The following DCAF1 variants were observed in gnomAD, a reference collection of about 807,000 sequenced individuals.
DCAF1 encodes DDB1 and CUL4 associated factor 1.
DCAF1 carries 15 observed loss-of-function variants against 128.0 expected under a neutral mutation model. That is an observed-to-expected ratio of 0.12 (90% CI 0.08 to 0.18). The LOEUF (loss-of-function observed/expected upper bound fraction) is 0.18, where lower values mean the gene tolerates loss of function less well. DCAF1 is among the 10% of genes least tolerant of loss of function. The probability of loss-of-function intolerance (pLI) is 1.00; values close to 1 mark genes in which losing one functional copy is unlikely to be tolerated. For missense variants in DCAF1, 988 were observed against 1,649.5 expected, an observed-to-expected ratio of 0.60 and a Z score of 6.95; for synonymous variants, 610 against 603.0, an observed-to-expected ratio of 1.01 and a Z score of -0.17.
chr3:51,504,036 ATT>A (rs559346586), upstream of DCAF1, among the ~76,000 whole-genome samples: 64 of 130,168 alleles, frequency 4.9e-4, no homozygotes, highest in Middle Eastern at 4.0e-3. Flanking sequence ...GCCCCTGAAC[ATT>A]TTTTTTTTTT....
At chr3:51,446,924 C>T (rs1280036273) in intron 6 of DCAF1, among the ~76,000 whole-genome samples, 1 of 146,392 alleles carries the variant, frequency 6.8e-6, no homozygotes, top group Non-Finnish European at 1.5e-5. Context: ...CACGCCACTG[C>T]GCTCCAGCCT....
downstream of DCAF1, chr3:51,396,033 C>T: frequency 4.9e-6 from 2 of 412,162 alleles, no homozygotes; most frequent in Non-Finnish European, 8.9e-6. Flanking sequence ...CTGTTGCAGG[C>T]ACACTGCAGT....
chr3:51,502,556 CA>C (rs1307779979), upstream of DCAF1, among the ~76,000 whole-genome samples: 28 of 151,120 alleles, frequency 1.9e-4, no homozygotes, highest in African/African-American at 5.8e-4. Flanking sequence ...GACTCTGTCT[CA>C]AAAAAAAATT....
intron 21 of DCAF1, 50 bp downstream of exon 21, chr3:51,413,232 G>T: frequency 6.3e-7 from 1 of 1,577,810 alleles, no homozygotes; most frequent in South Asian, 1.2e-5. Flanking sequence ...TCTTAAATAA[G>T]GAACACCAAA....
intron 3 of DCAF1, among the ~76,000 whole-genome samples, chr3:51,475,694 T>C (rs2108289720): frequency 6.6e-6 from 1 of 152,254 alleles, no homozygotes; most frequent in East Asian, 1.9e-4. Flanking sequence ...AGCCCGTCTC[T>C]ACTAAACATA....
intron 6 of DCAF1, among the ~76,000 whole-genome samples, chr3:51,460,126 G>A (rs371143040): frequency 1.3e-5 from 2 of 152,026 alleles, no homozygotes; most frequent in African/African-American, 4.8e-5. Flanking sequence ...TGTCCCTGTT[G>A]GCAGATGACA....
Position 51,463,224 on chromosome 3 carries a change from C to G in DCAF1, c.265G>C (p.Val89Leu). The change falls in exon 6 of 25, where the codon GTG (valine) becomes CTG (leucine). Residue 89 changes from valine (V) to leucine (L), a missense_variant. By Grantham distance (32) the Val-to-Leu change is conservative. Transcript: ENST00000684031. ...CGGCTTGTCATCACATATGCATTCA[C>G]CAGCTGTAAAGAAAAAAAAGAAATA... ...FKNDDFMNALVNAYVMTSREP... is the reference protein window; with the variant it reads ...FKNDDFMNALLNAYVMTSREP... 6.5e-7 allele frequency: 1 copy of G among 1,549,002 alleles called. No individual in the cohort carries two copies. The highest frequency in any genetic ancestry group is 8.7e-7 in the Non-Finnish European group (1 of 1,150,398).
At chr3:51,497,827 A>G (rs1708394008) in intron 1 of DCAF1, among the ~76,000 whole-genome samples, 1 of 151,874 alleles carries the variant, frequency 6.6e-6, no homozygotes, top group South Asian at 2.1e-4. Context: ...TGGAGGCTGC[A>G]ATGAGTTATG....
At chr3:51,412,615 A>C in intron 22 of DCAF1, 135 bp from the exon 23 acceptor site, 2 of 1,428,370 alleles carry the variant, frequency 1.4e-6, no homozygotes, top group Non-Finnish European at 1.9e-6. Context: ...TCTTGAGCTG[A>C]CTATGAAAAT....
chr3:51,441,505 G>A lies in DCAF1; in HGVS notation c.906C>T (p.Ser302=), dbSNP rs782807949. 6.2e-7 allele frequency: 1 copy of A among 1,613,954 alleles called. No homozygotes were observed. Among genetic ancestry groups the A allele is most frequent in the Non-Finnish European group, 8.5e-7 (1 of 1,179,886 alleles). The change falls in exon 8 of 25, where the codon AGC becomes AGT. Residue 302 remains serine (S), a synonymous_variant. Transcript: ENST00000684031. ...PDRMFVELSN[S]SWSEMSPWVI... The stretch of plus-strand genomic sequence containing the variant: ...CCCAGGGAGACATTTCTGACCAACT[G>A]CTATTAGACAGCTCAACAAACATGC...
chr3:51,412,538 C>T (rs199661104), intron 22 of DCAF1, 58 bp from the exon 23 acceptor site: 32 of 1,607,966 alleles, frequency 2.0e-5, no homozygotes, highest in East Asian at 8.9e-5. Context: ...TCCACATCCA[C>T]GCCTCAGCCC....
chr3:51,440,911 T>G (rs1003188170), intron 9 of DCAF1, 59 bp downstream of exon 9: 15 of 1,397,432 alleles, frequency 1.1e-5, no homozygotes, highest in Non-Finnish European at 1.5e-5. Flanking sequence ...ATCTTAAATT[T>G]AAAAAAAAAC....
chr3:51,410,657 A>T (rs1359241343), intron 23 of DCAF1, among the ~76,000 whole-genome samples: 3 of 152,240 alleles, frequency 2.0e-5, no homozygotes, highest in Non-Finnish European at 4.4e-5. Flanking sequence ...GCTTTTAAAG[A>T]ATTATTTTAA....
At chr3:51,437,869 T>C (rs1349143343) in intron 9 of DCAF1, among the ~76,000 whole-genome samples, 2 of 151,700 alleles carry the variant, frequency 1.3e-5, no homozygotes, top group East Asian at 3.9e-4. Context: ...TGTTGCAGTC[T>C]AGTCACTACG....
At chr3:51,403,541 C>A in intron 23 of DCAF1, 146 bp from the exon 24 acceptor site, 1 of 1,389,086 alleles carries the variant, frequency 7.2e-7, no homozygotes, top group South Asian at 1.5e-5. Context: ...CATGAGCCAG[C>A]CAGACTTGTC....
chr3:51,500,537 G>A (rs560990796), upstream of DCAF1, among the ~76,000 whole-genome samples: 3 of 152,070 alleles, frequency 2.0e-5, no homozygotes, highest in African/African-American at 7.2e-5. Flanking sequence ...GTTGTTTTTT[G>A]TTTGTTTTGT....
intron 14 of DCAF1, 133 bp from the exon 15 acceptor site, chr3:51,421,130 A>C: frequency 1.9e-6 from 2 of 1,076,728 alleles, no homozygotes; most frequent in Non-Finnish European, 1.3e-6. Flanking sequence ...AAAAACTGCA[A>C]GGGTTTGTAT....
At chr3:51,488,026 G>T (rs143299198) in intron 2 of DCAF1, among the ~76,000 whole-genome samples, 1 of 151,756 alleles carries the variant, frequency 6.6e-6, no homozygotes, top group Admixed American at 6.6e-5. Flanking sequence ...CATCATGCCC[G>T]GCTAATTTTT....
At chr3:51,499,011 A>G (rs1708540323) in intron 1 of DCAF1, among the ~76,000 whole-genome samples, 1 of 152,200 alleles carries the variant, frequency 6.6e-6, no homozygotes, top group Non-Finnish European at 1.5e-5. Flanking sequence ...GTAAGGAAAA[A>G]CCAAGACCAA....
Sources: allele counts gnomAD v4.1 joint callset (sites outside exome capture counted in the v4.1 genomes callset), GRCh38; gene constraint gnomAD v4.1.1; transcripts MANE v1.5; gene names NCBI Gene and HGNC (gene_info 2026-07-23, HGNC 2026-07-21).